SUPT16H: variants seen among roughly 807,000 people sequenced by gnomAD.
The protein encoded by SUPT16H is SPT16 homolog, facilitates chromatin remodeling subunit, also known as FACT complex subunit SPT16.
SUPT16H carries 24 observed loss-of-function variants against 136.2 expected under a neutral mutation model. The observed-to-expected ratio is 0.18, with a 90% CI of 0.13 to 0.25. The LOEUF is 0.25. Among genes scored for constraint, SUPT16H ranks in the 10% least tolerant of loss-of-function variants. SUPT16H has a pLI of 1.00. For missense variants in SUPT16H, 623 were observed against 1,270.2 expected (o/e 0.49, Z 7.74); for synonymous variants, 415 against 428.2 (o/e 0.97, Z 0.38).
chr14:21,361,577 G>A (rs1228120200), intron 15 of SUPT16H, among the ~76,000 whole-genome samples: 1 of 151,694 alleles, frequency 6.6e-6, no homozygotes, highest in Non-Finnish European at 1.5e-5. Flanking sequence ...TCTGCCTCCC[G>A]AAGTGCTGGG....
intron 2 of SUPT16H, chr14:21,372,806 TTC>T (rs1447470176): frequency 1.1e-5 from 4 of 363,022 alleles, no homozygotes; most frequent in East Asian, 7.7e-5. Flanking sequence ...ATATTAATAC[TTC>T]TTTTTCCTTA....
chr14:21,358,499 T>G, intron 19 of SUPT16H, 72 bp from the exon 20 acceptor site: 1 of 1,030,044 alleles, frequency 9.7e-7, no homozygotes, highest in South Asian at 1.4e-5. Context: ...AAGTCTGAAG[T>G]GCTTTTGTGC....
Position 21,352,635 on chromosome 14 carries a change from C to T in SUPT16H, c.*38G>A. The T allele has an allele frequency of 1.2e-6, 2 of 1,611,180 alleles. No individual in the cohort carries two copies. Among genetic ancestry groups the T allele is most frequent in the East Asian group, 2.2e-5 (1 of 44,862 alleles). On this transcript the variant is annotated 3_prime_UTR_variant, in exon 26 of 26. Transcript: ENST00000216297. The stretch of plus-strand genomic sequence containing the variant: ...GTCATGTAAAATTTTCAGGGGTTGG[C>T]TGGAGGAAGAATGGAGCTCAGGGCC...
Position 21,368,406 on chromosome 14 carries a change from C to A in SUPT16H, c.818G>T (p.Cys273Phe). 1.9e-6 allele frequency: 3 copies of A among 1,613,836 alleles called. No individual in the cohort carries two copies. Among genetic ancestry groups the A allele is most frequent in the Non-Finnish European group, 2.5e-6 (3 of 1,179,924 alleles). The change falls in exon 7 of 26, where the codon TGT becomes TTT. Residue 273 changes from cysteine to phenylalanine, a missense_variant. By Grantham distance (205) the Cys-to-Phe change is radical. Transcript: ENST00000216297. ...KNHMHFGAIT[C>F]AMGIRFKSYC... is the part of the protein sequence containing the mutation. ...AGACTTGAAGCGAATACCCATGGCACAAGTGATAGCCCCAAAGTGCATATG... is the reference window on the plus strand; with the variant it reads ...AGACTTGAAGCGAATACCCATGGCAAAAGTGATAGCCCCAAAGTGCATATG...
Position 21,371,963 on chromosome 14 carries a change from T to C in SUPT16H, c.241A>G (p.Lys81Glu). ...DKIIFMASKK[K>E]VEFLKQIANT... is the part of the protein sequence containing the mutation. ...GCAATCTGTTTCAAGAACTCCACTTTTTTCTTGCTGGCCATAAAGATGATT... is the reference window on the plus strand; with the variant it reads ...GCAATCTGTTTCAAGAACTCCACTTCTTTCTTGCTGGCCATAAAGATGATT... Residue 81 changes from lysine to glutamate, a missense_variant, in exon 3 of 26, where the codon AAA becomes GAA. Lys to Glu is a moderately conservative substitution (Grantham distance 56, BLOSUM62 1). This residue lies in a region of SUPT16H where 343 missense variants were observed against 525.7 expected (regional missense o/e 0.65). Transcript: ENST00000216297. 1 of 1,614,178 alleles carries C rather than the reference T, an allele frequency of 6.2e-7. No homozygotes were observed. The highest frequency in any genetic ancestry group is 8.5e-7 in the Non-Finnish European group (1 of 1,180,022).
intron 3 of SUPT16H, 143 bp from the exon 4 acceptor site, chr14:21,370,631 A>C: frequency 1.1e-6 from 1 of 894,712 alleles, no homozygotes; most frequent in Non-Finnish European, 1.7e-6. Context: ...ACTTTTAAAG[A>C]GACAGGGTCT....
intron 7 of SUPT16H, among the ~76,000 whole-genome samples, chr14:21,367,010 A>C (rs8018369): frequency 6.6e-6 from 1 of 152,004 alleles, no homozygotes; most frequent in African/African-American, 2.4e-5. Flanking sequence ...GCGTGATCCT[A>C]CTTCACTGCA....
At chr14:21,379,076 T>C (rs183871518) in intron 1 of SUPT16H, among the ~76,000 whole-genome samples, 52 of 152,332 alleles carry the variant, frequency 3.4e-4, no homozygotes, top group Non-Finnish European at 2.2e-4. Context: ...TTACCACTGT[T>C]CACTGAGTGA....
In SUPT16H at chr14:21,363,271, T is replaced by C. The variant is rs1249411947; in HGVS notation, c.1357A>G (p.Arg453Gly). The C allele has an allele frequency of 6.2e-7, 1 of 1,613,872 alleles. No individual in the cohort carries two copies. The highest frequency in any genetic ancestry group is 8.5e-7 in the Non-Finnish European group (1 of 1,179,922). ...EKDEAEDLLG[R>G]GSRAALLTER... ...GTAAGTAATGCTGCCCGAGAACCTC[T>C]TCCCAAAAGGTCCTCTGCCTCATCT... Residue 453 changes from arginine (R) to glycine (G), a missense_variant, in exon 12 of 26, where the codon AGA becomes GGA. This residue lies in a region of SUPT16H where 5 missense variants were observed against 29.6 expected (regional missense o/e 0.17). Transcript: ENST00000216297.
intron 4 of SUPT16H, among the ~76,000 whole-genome samples, 164 bp downstream of exon 4, chr14:21,370,172 G>A (rs1281339896): frequency 6.6e-6 from 1 of 152,092 alleles, no homozygotes; most frequent in Non-Finnish European, 1.5e-5. Context: ...TAGAAGAAAG[G>A]CAGGGAAAAA....
intron 9 of SUPT16H, 32 bp downstream of exon 9, chr14:21,365,038 A>G (rs1391106087): frequency 1.7e-5 from 27 of 1,611,406 alleles, no homozygotes; most frequent in Non-Finnish European, 2.3e-5. Flanking sequence ...AGTAACTCAC[A>G]AAAGCATTTT....
intron 1 of SUPT16H, among the ~76,000 whole-genome samples, chr14:21,376,722 C>T (rs544058806): frequency 1.8e-4 from 27 of 152,150 alleles, no homozygotes; most frequent in African/African-American, 5.8e-4. Context: ...GCCAGTTTCA[C>T]GTAAAAGTCC....
chr14:21,363,337 A>C lies in SUPT16H; in HGVS notation c.1300-9T>G. ...TCTTCCTCATCTTCATTCTATGGAA[A>C]AAGTCATAATCAAAAAATGAAATTT... On this transcript the variant is annotated splice_polypyrimidine_tract_variant and intron_variant, in intron 11 of 25. Transcript: ENST00000216297. 1 of 1,602,010 alleles carries C rather than the reference A, an allele frequency of 6.2e-7. No individual in the cohort carries two copies. Among genetic ancestry groups the C allele is most frequent in the Admixed American group, 1.7e-5 (1 of 59,180 alleles).
chr14:21,358,361 G>C lies in SUPT16H; in HGVS notation c.2368C>G (p.Leu790Val), dbSNP rs774055437. ...TCAAATTCCAGTTCCTCCTTAGTTA[G>C]AGCCTCTACTTTCTCAATGAAATTT... is the stretch of plus-strand genomic sequence containing the variant. Reference protein sequence around the residue: ...FKNFIEKVEALTKEELEFEVP... With the variant: ...FKNFIEKVEAVTKEELEFEVP... The change falls in exon 20 of 26, where the codon CTA becomes GTA. Residue 790 changes from leucine to valine, a missense_variant. Leu to Val is a conservative substitution (Grantham distance 32). Around this residue, in one of 7 missense-constraint regions of SUPT16H, gnomAD observed 74 missense variants for 193.8 expected, o/e 0.38. Transcript: ENST00000216297. 3.1e-6 allele frequency: 5 copies of C among 1,613,848 alleles called. No individual in the cohort carries two copies. In the South Asian group the frequency reaches 3.3e-5, roughly 11 times the overall value.
chr14:21,378,589 A>C (rs1001728206), intron 1 of SUPT16H, among the ~76,000 whole-genome samples: 1 of 152,188 alleles, frequency 6.6e-6, no homozygotes, highest in South Asian at 2.1e-4. Context: ...AAAATTTTTC[A>C]TATCAATGTG....
chr14:21,381,679 A>G (rs1269418533), intron 1 of SUPT16H, among the ~76,000 whole-genome samples: 3 of 151,430 alleles, frequency 2.0e-5, no homozygotes, highest in Non-Finnish European at 4.4e-5. Flanking sequence ...ATGCGATTAC[A>G]GCTCACTGCA....
chr14:21,367,098 G>A (rs911984337), intron 7 of SUPT16H, among the ~76,000 whole-genome samples: 5 of 152,042 alleles, frequency 3.3e-5, no homozygotes, highest in South Asian at 2.1e-4. Context: ...CTGCCACCAC[G>A]CCCGGCTAAT....
intron 6 of SUPT16H, among the ~76,000 whole-genome samples, chr14:21,368,914 G>C (rs903508909): frequency 1.3e-5 from 2 of 152,182 alleles, no homozygotes; most frequent in Non-Finnish European, 2.9e-5. Context: ...ACTGGTAAGG[G>C]TAAGTGTGTA....
chr14:21,360,184 C>T (rs562800304), intron 18 of SUPT16H, among the ~76,000 whole-genome samples: 1 of 152,236 alleles, frequency 6.6e-6, no homozygotes, highest in Non-Finnish European at 1.5e-5. Flanking sequence ...CTGGCCACTA[C>T]GCCTGGCTAA....
Sources: allele counts gnomAD v4.1 joint callset (sites outside exome capture counted in the v4.1 genomes callset), GRCh38; gene constraint gnomAD v4.1.1; regional missense constraint gnomAD v4.1.1; transcripts MANE v1.5; gene names NCBI Gene and HGNC (gene_info 2026-07-23, HGNC 2026-07-21).